Variants in NAV2 observed in about 807,000 individuals in gnomAD.
NAV2 encodes the protein neuron navigator 2.
NAV2 carries 54 observed loss-of-function variants against 223.2 expected under a neutral mutation model. The observed-to-expected ratio is 0.24, with a 90% confidence interval of 0.19 to 0.30. The LOEUF (loss-of-function observed/expected upper bound fraction) is 0.30. NAV2 is among the 10% of genes least tolerant of loss of function. NAV2 has a pLI of 1.00. For synonymous variants in NAV2, 1,279 were observed against 1,239.3 expected (o/e 1.03, Z -0.67); for missense variants, 2,806 against 3,147.5 (o/e 0.89, Z 2.60).
intron 11 of NAV2, among the ~76,000 whole-genome samples, chr11:20,028,649 C>T (rs149692038): frequency 2.8e-4 from 42 of 152,244 alleles, no homozygotes; most frequent in Non-Finnish European, 5.0e-4. Context: ...GTCATTCTGC[C>T]GTGGTTTGAG....
intron 1 of NAV2, among the ~76,000 whole-genome samples, chr11:19,533,310 G>A (rs1236831320): frequency 6.6e-6 from 1 of 151,996 alleles, no homozygotes; most frequent in Non-Finnish European, 1.5e-5. Context: ...CTACCTACTA[G>A]ATGCCATTAG....
chr11:19,924,569 C>G (rs2153231749), intron 6 of NAV2, among the ~76,000 whole-genome samples: 1 of 152,278 alleles, frequency 6.6e-6, no homozygotes, highest in Non-Finnish European at 1.5e-5. Context: ...GGATAATGTG[C>G]TTTTACATTC....
At chr11:19,600,770 A>G (rs1000228311) in intron 1 of NAV2, among the ~76,000 whole-genome samples, 2 of 152,226 alleles carry the variant, frequency 1.3e-5, no homozygotes, top group Non-Finnish European at 2.9e-5. Context: ...GTAGGCATAT[A>G]CTAGGTGTTC....
chr11:20,033,432 G>A (rs978261233), intron 11 of NAV2, among the ~76,000 whole-genome samples: 2 of 152,236 alleles, frequency 1.3e-5, no homozygotes, highest in South Asian at 2.1e-4. Context: ...TTTAAAGTAG[G>A]AGATGATGTG....
chr11:19,741,500 T>TC (rs200940178), intron 1 of NAV2, among the ~76,000 whole-genome samples: 14 of 111,060 alleles, frequency 1.3e-4, no homozygotes, highest in African/African-American at 3.3e-4. Context: ...TTTCTTTCTT[T>TC]TTTTTTTTTT....
chr11:19,767,129 A>T (rs2055294041), intron 1 of NAV2, among the ~76,000 whole-genome samples: 1 of 152,218 alleles, frequency 6.6e-6, no homozygotes, highest in South Asian at 2.1e-4. Context: ...GAATGAAAAG[A>T]TACAAGAATC....
intron 1 of NAV2, among the ~76,000 whole-genome samples, chr11:19,592,817 T>C (rs1261745783): frequency 3.3e-5 from 5 of 152,218 alleles, no homozygotes; most frequent in Non-Finnish European, 7.3e-5. Context: ...CTAAGCTTTT[T>C]ACAAGTAGTT....
chr11:19,853,982 T>C (rs577162415), intron 3 of NAV2, among the ~76,000 whole-genome samples: 37 of 152,296 alleles, frequency 2.4e-4, no homozygotes, highest in Non-Finnish European at 4.7e-4. Flanking sequence ...CAACATGTTG[T>C]ACTCAGGAAG....
chr11:19,428,029 G>A (rs186021597), intron 1 of NAV2, among the ~76,000 whole-genome samples: 45 of 151,884 alleles, frequency 3.0e-4, no homozygotes, highest in Middle Eastern at 3.4e-3. Context: ...TAGAACTTCC[G>A]GATTCTGGGT....
At chr11:19,585,718 TCTTG>T (rs1304557822) in intron 1 of NAV2, among the ~76,000 whole-genome samples, 2 of 152,330 alleles carry the variant, frequency 1.3e-5, no homozygotes, top group Admixed American at 1.3e-4. Context: ...CCCACTTTCT[TCTTG>T]CTTGTAGAGT....
At chr11:19,955,393 A>AC (rs1407649928) in intron 10 of NAV2, among the ~76,000 whole-genome samples, 1 of 151,468 alleles carries the variant, frequency 6.6e-6, no homozygotes, top group Non-Finnish European at 1.5e-5. Flanking sequence ...TTGTCTGAGA[A>AC]AAAAAAAATG....
rs140355169 is a variant in NAV2 at position 20,091,452 on chromosome 11, A to G, written c.5652+434A>G. Among the ~76,000 whole-genome samples the G allele has an allele frequency of 3.2e-3, 493 of 152,228 alleles. 6 individuals carry two copies. Among genetic ancestry groups the G allele is most frequent in the African/African-American group, 0.011 (470 of 41,546 alleles). ...CTCCACTGGGTATATTCCTCTGCACATCCAAGTTAGACCCTTCCCTTAATG... is the reference window on the plus strand; with the variant it reads ...CTCCACTGGGTATATTCCTCTGCACGTCCAAGTTAGACCCTTCCCTTAATG... On this transcript the variant is annotated intron_variant, in intron 27 of 37. Coordinates refer to ENST00000349880, the MANE Select transcript of NAV2 (RefSeq NM_145117.5).
intron 1 of NAV2, among the ~76,000 whole-genome samples, chr11:19,552,342 T>C (rs1447130735): frequency 6.6e-6 from 1 of 152,126 alleles, no homozygotes; most frequent in African/African-American, 2.4e-5. Context: ...TTACAGTCAT[T>C]GAGTGTTCAG....
intron 1 of NAV2, among the ~76,000 whole-genome samples, chr11:19,536,653 G>C (rs1183571806): frequency 1.3e-5 from 2 of 152,210 alleles, no homozygotes; most frequent in African/African-American, 4.8e-5. Context: ...AATTGATAAG[G>C]AGAAGTTAAG....
chr11:19,849,437 CAG>C (rs2060992174), intron 3 of NAV2, among the ~76,000 whole-genome samples: 1 of 152,234 alleles, frequency 6.6e-6, no homozygotes, highest in Non-Finnish European at 1.5e-5. Flanking sequence ...AAAGCTGAAA[CAG>C]GGGCAGGTGG....
chr11:19,961,948 T>C (rs1191058722), intron 10 of NAV2, among the ~76,000 whole-genome samples: 2 of 151,834 alleles, frequency 1.3e-5, no homozygotes, highest in Non-Finnish European at 2.9e-5. Context: ...ACGAAACCAA[T>C]AGGGTGTGTG....
chr11:19,422,437 G>A (rs1850654995), intron 1 of NAV2, among the ~76,000 whole-genome samples: 1 of 152,186 alleles, frequency 6.6e-6, no homozygotes, highest in Non-Finnish European at 1.5e-5. Context: ...GAGCAATTAG[G>A]GGCTGAAAGA....
At chr11:19,507,859 G>C (rs114509240) in intron 1 of NAV2, among the ~76,000 whole-genome samples, 1 of 152,230 alleles carries the variant, frequency 6.6e-6, no homozygotes, top group Non-Finnish European at 1.5e-5. Context: ...ATCAGGACAC[G>C]GAGGTTCAGA....
chr11:19,386,895 A>G (rs1849064638), intron 1 of NAV2, among the ~76,000 whole-genome samples: 1 of 152,090 alleles, frequency 6.6e-6, no homozygotes. Context: ...CACCCACTCA[A>G]TGGAAGGACA....
Sources: allele counts gnomAD v4.1 joint callset (sites outside exome capture counted in the v4.1 genomes callset), GRCh38; gene constraint gnomAD v4.1.1; transcripts MANE v1.5; gene names NCBI Gene and HGNC (gene_info 2026-07-23, HGNC 2026-07-21).